The following ADARB2 variants were observed in gnomAD, a reference collection of about 807,000 sequenced individuals.
ADARB2 encodes the protein inactive double-stranded RNA-specific editase B2.
Under a neutral mutation model 62.2 loss-of-function variants are expected in ADARB2, and 25 were observed. That is an observed-to-expected ratio of 0.40 (90% CI 0.29 to 0.56). The LOEUF (loss-of-function observed/expected upper bound fraction) is 0.56, where lower values mean the gene tolerates loss of function less well. Among genes scored for constraint, ADARB2 ranks in the 20% least tolerant of loss-of-function variants. The pLI, the probability that ADARB2 is intolerant of heterozygous loss-of-function variation, is 0.43. For synonymous variants in ADARB2, 572 were observed against 500.8 expected (o/e 1.14, Z -1.90); for missense variants, 1,071 against 1,077.4 (o/e 0.99, Z 0.08).
At chr10:1,523,127 C>T (rs370569234) in intron 1 of ADARB2, among the ~76,000 whole-genome samples, 2 of 152,098 alleles carry the variant, frequency 1.3e-5, no homozygotes, top group South Asian at 2.1e-4. Flanking sequence ...AATCCAAAAT[C>T]GACAATGGCT....
At chr10:1,537,320 C>T (rs112158545) in intron 1 of ADARB2, among the ~76,000 whole-genome samples, 2,467 of 152,208 alleles carry the variant, frequency 0.016, 65 homozygotes, top group African/African-American at 0.057. Context: ...CAATAAATGC[C>T]AGTGAGGATG....
intron 1 of ADARB2, among the ~76,000 whole-genome samples, chr10:1,572,588 G>A (rs528729687): frequency 5.3e-5 from 8 of 152,220 alleles, no homozygotes; most frequent in Admixed American, 2.0e-4. Context: ...CCACCTCTGC[G>A]CCATGCTGGG....
chr10:1,307,494 A>G (rs1313759207), intron 3 of ADARB2, among the ~76,000 whole-genome samples: 3 of 137,618 alleles, frequency 2.2e-5, no homozygotes, highest in Non-Finnish European at 3.1e-5. Flanking sequence ...ACTGTAAACT[A>G]GTTCAACCAT....
intron 1 of ADARB2, among the ~76,000 whole-genome samples, chr10:1,646,834 G>A (rs1224388851): frequency 6.6e-6 from 1 of 152,204 alleles, no homozygotes; most frequent in East Asian, 1.9e-4. Context: ...TGATTGCTGT[G>A]TGCTCACCAC....
intron 3 of ADARB2, among the ~76,000 whole-genome samples, chr10:1,331,404 A>G (rs1480279960): frequency 6.6e-6 from 1 of 152,268 alleles, no homozygotes; most frequent in Non-Finnish European, 1.5e-5. Flanking sequence ...GGACATCCAT[A>G]CAGTGGAATA....
chr10:1,521,353 T>C (rs1423537047), intron 1 of ADARB2, among the ~76,000 whole-genome samples: 1 of 152,188 alleles, frequency 6.6e-6, no homozygotes. Flanking sequence ...CTGTACTGTC[T>C]TAGACATTTA....
At chr10:1,539,405 C>T (rs1832381427) in intron 1 of ADARB2, among the ~76,000 whole-genome samples, 1 of 152,174 alleles carries the variant, frequency 6.6e-6, no homozygotes, top group South Asian at 2.1e-4. Flanking sequence ...GCAAACCCAT[C>T]GACCAGTGCT....
intron 1 of ADARB2, among the ~76,000 whole-genome samples, chr10:1,408,680 A>G (rs1424153126): frequency 6.6e-6 from 1 of 152,130 alleles, no homozygotes; most frequent in Non-Finnish European, 1.5e-5. Context: ...CCTTGTTGGT[A>G]ACCAGGGAGG....
intron 1 of ADARB2, among the ~76,000 whole-genome samples, chr10:1,400,293 G>T (rs1358097605): frequency 6.6e-6 from 1 of 152,150 alleles, no homozygotes; most frequent in Non-Finnish European, 1.5e-5. Flanking sequence ...TCCGAGTCCG[G>T]GCAGCAGTTT....
intron 5 of ADARB2, among the ~76,000 whole-genome samples, chr10:1,234,977 C>G (rs1830850710): frequency 1.3e-5 from 2 of 152,096 alleles, no homozygotes; most frequent in South Asian, 2.1e-4. Context: ...GAACTCCTGA[C>G]TTCAGGTGAT....
chr10:1,507,749 T>C lies in ADARB2; in HGVS notation c.101-128589A>G, dbSNP rs190143299. Among the ~76,000 whole-genome samples, 53 of 152,242 alleles carry C rather than the reference T, an allele frequency of 3.5e-4. No individual in the cohort carries two copies. The South Asian group carries it at 7.3e-3, about 21-fold the overall frequency. On this transcript the variant is annotated intron_variant, in intron 1 of 9. Coordinates refer to ENST00000381312, the MANE Select transcript of ADARB2 (RefSeq NM_018702.4). ...CTTGTTGTGAGTCCTAAGTGCCAGA[T>C]AGCGGGTGTACAGTGACTTCATTAG... is the stretch of plus-strand genomic sequence containing the variant.
chr10:1,561,832 G>A (rs12242745), intron 1 of ADARB2, among the ~76,000 whole-genome samples: 33,033 of 152,100 alleles, frequency 0.22, 3,830 homozygotes, highest in Non-Finnish European at 0.24. Context: ...CAGCACCGCC[G>A]CTCCCTCGGC....
Position 1,689,649 on chromosome 10 carries a change from C to T in ADARB2, c.100+47402G>A, listed in dbSNP as rs139288695. On this transcript the variant is annotated intron_variant, in intron 1 of 9. Coordinates refer to ENST00000381312, the MANE Select transcript of ADARB2 (RefSeq NM_018702.4). Reference sequence around the variant, plus strand: ...AATATTCCATTGTGATGGTGCCCTGCAGTTCACCTAACTTGATGGGTGTTC... The same window carrying T: ...AATATTCCATTGTGATGGTGCCCTGTAGTTCACCTAACTTGATGGGTGTTC... Among the ~76,000 whole-genome samples, 109 of 152,340 alleles carry T rather than the reference C, an allele frequency of 7.2e-4. 1 individual carries two copies. The East Asian group carries it at 0.021, about 29-fold the overall frequency.
chr10:1,522,713 C>G (rs945108227), intron 1 of ADARB2, among the ~76,000 whole-genome samples: 1 of 152,194 alleles, frequency 6.6e-6, no homozygotes, highest in Non-Finnish European at 1.5e-5. Flanking sequence ...CCCGTTTATA[C>G]GTTAGTTATT....
intron 1 of ADARB2, among the ~76,000 whole-genome samples, chr10:1,413,924 T>C (rs1473153661): frequency 2.0e-5 from 3 of 152,240 alleles, no homozygotes; most frequent in Non-Finnish European, 2.9e-5. Flanking sequence ...AATCCTTGTC[T>C]TGCAATTGCA....
At chr10:1,520,438 T>C (rs80005804) in intron 1 of ADARB2, among the ~76,000 whole-genome samples, 2,271 of 152,330 alleles carry the variant, frequency 0.015, 99 homozygotes, top group East Asian at 0.13. Context: ...TCTAGACTTT[T>C]ACCATGGCCA....
chr10:1,673,575 G>A (rs189519080), intron 1 of ADARB2, among the ~76,000 whole-genome samples: 93 of 152,342 alleles, frequency 6.1e-4, no homozygotes, highest in African/African-American at 2.0e-3. Flanking sequence ...AAGTAGCTGC[G>A]TGGGAGACAC....
intron 1 of ADARB2, among the ~76,000 whole-genome samples, chr10:1,659,414 A>T (rs1834214684): frequency 1.3e-5 from 2 of 152,192 alleles, no homozygotes; most frequent in African/African-American, 4.8e-5. Context: ...TCCCCACGCG[A>T]CATCTAAAAA....
At chr10:1,512,556 C>T (rs1237032997) in intron 1 of ADARB2, among the ~76,000 whole-genome samples, 1 of 152,204 alleles carries the variant, frequency 6.6e-6, no homozygotes, top group African/African-American at 2.4e-5. Context: ...GGCTGAAGTC[C>T]AAAGAGTGGA....
Sources: allele counts gnomAD v4.1 joint callset (sites outside exome capture counted in the v4.1 genomes callset), GRCh38; gene constraint gnomAD v4.1.1; transcripts MANE v1.5; gene names NCBI Gene and HGNC (gene_info 2026-07-23, HGNC 2026-07-21).